SLC4A2: variants seen among roughly 807,000 people sequenced by gnomAD.
The protein encoded by SLC4A2 is solute carrier family 4 member 2.
A neutral mutation model predicts 115.0 loss-of-function variants in SLC4A2; 36 were observed. The ratio of observed to expected loss-of-function variants is 0.31; its 90% CI spans 0.24 to 0.41. The LOEUF (loss-of-function observed/expected upper bound fraction) is 0.41, where lower values mean the gene tolerates loss of function less well. SLC4A2 is among the 10% of genes least tolerant of loss of function. SLC4A2 has a pLI of 1.00. For missense variants in SLC4A2, 1,252 were observed against 1,705.6 expected (o/e 0.73, Z 4.68); for synonymous variants, 708 against 708.3 (o/e 1.00, Z 0.01).
intron 16 of SLC4A2, 169 bp from the exon 17 acceptor site, chr7:151,073,870 C>G (rs33927791): frequency 5.6e-6 from 4 of 711,430 alleles, no homozygotes; most frequent in Non-Finnish European, 9.2e-6. Context: ...CCACACTGCC[C>G]TGTGCTCACA....
chr7:151,076,220 T>C (rs1396592733), intron 22 of SLC4A2, 34 bp downstream of exon 22: 8 of 1,608,362 alleles, frequency 5.0e-6, no homozygotes, highest in African/African-American at 1.3e-5. Flanking sequence ...CCGGTTCCTC[T>C]TGCCTCCCTG....
At chr7:151,061,031 T>C (rs1473855558) in intron 1 of SLC4A2, among the ~76,000 whole-genome samples, 1 of 152,016 alleles carries the variant, frequency 6.6e-6, no homozygotes, top group Non-Finnish European at 1.5e-5. Flanking sequence ...GCTCCTTCTC[T>C]GCCCCCACCA....
chr7:151,072,856 G>T (rs1797487519), intron 16 of SLC4A2, among the ~76,000 whole-genome samples: 1 of 151,718 alleles, frequency 6.6e-6, no homozygotes, highest in Non-Finnish European at 1.5e-5. Context: ...AGAGATGGGG[G>T]TTTTACCATG....
chr7:151,058,664 A>G (rs953062828), upstream of SLC4A2: 1 of 152,304 alleles, frequency 6.6e-6, no homozygotes, highest in African/African-American at 2.4e-5. Context: ...CTCAGACCCC[A>G]GTCTCCGGAA....
chr7:151,070,737 G>T lies in SLC4A2; in HGVS notation c.1575G>T (p.Glu525Asp), dbSNP rs1208845256. ...EATVVLVGCV[E>D]FLSRPTMAFV... ...GTCCCACGCCCCTAGGCTGCGTGGA[G>T]TTCCTCTCCCGCCCCACCATGGCCT... is the stretch of plus-strand genomic sequence containing the variant. The change falls in exon 12 of 23, where the codon GAG becomes GAT. Residue 525 changes from glutamate (E) to aspartate (D), a missense_variant. Around this residue, in one of 14 missense-constraint regions of SLC4A2, gnomAD observed 87 missense variants for 170.3 expected, o/e 0.51. Transcript: ENST00000413384. The T allele has an allele frequency of 1.2e-6, 2 of 1,613,384 alleles. No homozygotes were observed. Among genetic ancestry groups the T allele is most frequent in the African/African-American group, 1.3e-5 (1 of 74,918 alleles).
At chr7:151,076,246 C>T in intron 22 of SLC4A2, 41 bp from the exon 23 acceptor site, 1 of 1,590,918 alleles carries the variant, frequency 6.3e-7, no homozygotes, top group Non-Finnish European at 8.6e-7. Context: ...CTGGAAAGGC[C>T]CCCCCACTTC....
At chr7:151,064,064 A>T in intron 2 of SLC4A2, 138 bp from the exon 3 acceptor site, 4 of 776,416 alleles carry the variant, frequency 5.2e-6, no homozygotes, top group Non-Finnish European at 8.2e-6. Flanking sequence ...TGCTGGGGGC[A>T]TATAGAGCCA....
chr7:151,062,068 A>C (rs1584980899), intron 2 of SLC4A2, 30 bp downstream of exon 2: 1 of 1,598,558 alleles, frequency 6.3e-7, no homozygotes, highest in Non-Finnish European at 8.5e-7. Flanking sequence ...CGCCAGCCCA[A>C]CCTTCCCTCC....
intron 8 of SLC4A2, 91 bp from the exon 9 acceptor site, chr7:151,069,848 GCACCCACC>G (rs1395100170): frequency 1.4e-6 from 2 of 1,460,124 alleles, no homozygotes; most frequent in Non-Finnish European, 1.9e-6. Context: ...TCCAGCCCCG[GCACCCACC>G]CACCTGTCCC....
upstream of SLC4A2, chr7:151,059,469 A>C (rs1796974343): frequency 6.6e-6 from 1 of 151,798 alleles, no homozygotes; most frequent in Admixed American, 6.6e-5. The surrounding 1 kb of genome is among the most constrained non-coding windows in gnomAD (Gnocchi z 5.8). Context: ...CTTGGGGCAG[A>C]GGGACGGCGG....
chr7:151,059,527 G>GGCCCCCGCTCCC (rs1384041423), upstream of SLC4A2: 1 of 106,270 alleles, frequency 9.4e-6, no homozygotes, highest in Admixed American at 1.1e-4. The surrounding 1 kb of genome is among the most constrained non-coding windows in gnomAD (Gnocchi z 5.8). Context: ...CCCCCGCCCC[G>GGCCCCCGCTCCC]GCCCCCGCTC....
intron 2 of SLC4A2, chr7:151,062,468 CGTGG>C: frequency 2.4e-6 from 3 of 1,257,554 alleles, no homozygotes; most frequent in Non-Finnish European, 3.1e-6. Context: ...CCTGCCCCCA[CGTGG>C]CCACCGCTCC....
Position 151,070,294 on chromosome 7 carries a change from C to G in SLC4A2, c.1397C>G (p.Thr466Ser), listed in dbSNP as rs1797386878. The G allele has an allele frequency of 6.2e-7, 1 of 1,613,462 alleles. No individual in the cohort carries two copies. Among genetic ancestry groups the G allele is most frequent in the Admixed American group, 1.7e-5 (1 of 59,958 alleles). The change falls in exon 10 of 23, where the codon ACC (threonine) becomes AGC (serine). Residue 466 changes from threonine to serine, a missense_variant. By Grantham distance (58) the Thr-to-Ser change is moderately conservative. Coordinates refer to ENST00000413384, the MANE Select transcript of SLC4A2 (RefSeq NM_003040.4). ...GGGGCTGAGAGTGACCCCCACGTCA[C>G]CGAGCCTCTCATGGGAGGTGTTCCT... ...GQGAESDPHVTEPLMGGVPET... is the reference protein window; with the variant it reads ...GQGAESDPHVSEPLMGGVPET...
At chr7:151,063,140 C>T (rs1004945896) in intron 2 of SLC4A2, 4 of 1,466,978 alleles carry the variant, frequency 2.7e-6, no homozygotes, top group Admixed American at 2.1e-5. Context: ...GCCGCATTCC[C>T]TGCCGGCTGT....
rs1797183532 is a variant in SLC4A2, at chr7:151,064,973, A to G, written c.578+7A>G. 1.3e-6 allele frequency: 2 copies of G among 1,571,154 alleles called. No individual in the cohort carries two copies. The highest frequency in any genetic ancestry group is 2.7e-5 in the African/African-American group (2 of 74,156). On this transcript the variant is annotated splice_region_variant and intron_variant, in intron 5 of 22. Transcript: ENST00000413384. ...CCAAAGGGGCCCAGGCTGGGTAAGTACACCCCAATCAACAGTGTCCCCAAC... is the reference window on the plus strand; with the variant it reads ...CCAAAGGGGCCCAGGCTGGGTAAGTGCACCCCAATCAACAGTGTCCCCAAC...
At chr7:151,059,460 T>C (rs371274662), upstream of SLC4A2, 5 of 151,752 alleles carry the variant, frequency 3.3e-5, no homozygotes, top group African/African-American at 1.2e-4. The surrounding 1 kb of genome is among the most constrained non-coding windows in gnomAD (Gnocchi z 5.8). Flanking sequence ...GTGGAGAAGC[T>C]TGGGGCAGAG....
At position 151,064,909 on chromosome 7, in the gene SLC4A2, C is replaced by T; in HGVS notation, c.521C>T (p.Pro174Leu). ...RKAERTSPSS[P>L]APLPHQEATP... ...GCAGAGAGGACCAGTCCATCTTCCC[C>T]TGCACCACTGCCCCACCAGGAGGCG... The change falls in exon 5 of 23, where the codon CCT (proline) becomes CTT (leucine). Residue 174 changes from proline to leucine, a missense_variant. Physicochemically the swap from Pro to Leu is moderately conservative, Grantham distance 98. Transcript: ENST00000413384. 3 of 1,613,992 alleles carry T rather than the reference C, an allele frequency of 1.9e-6. No homozygotes were observed. Among genetic ancestry groups the T allele is most frequent in the South Asian group, 2.2e-5 (2 of 91,086 alleles).
At position 151,071,875 on chromosome 7, in the gene SLC4A2, C is replaced by G. The variant is rs764716004; in HGVS notation, c.2340+38C>G. 3.7e-6 allele frequency: 6 copies of G among 1,604,446 alleles called. No homozygotes were observed. Among genetic ancestry groups the G allele is most frequent in the Admixed American group, 1.7e-5 (1 of 59,360 alleles). ...CTCGCCCATCTCCAGCCGCCCCTCC[C>G]GTGCCCTAGACACCTCCCCACAGCA... is the stretch of plus-strand genomic sequence containing the variant. On this transcript the variant is annotated intron_variant, in intron 15 of 22. Coordinates refer to ENST00000413384, the MANE Select transcript of SLC4A2 (RefSeq NM_003040.4). This position sits in a 1 kb window ranked among gnomAD's most constrained non-coding sequence, Gnocchi z 5.5.
rs1441168117 is a variant in SLC4A2, at chr7:151,070,056, G to T, written c.1257G>T (p.Val419=). The change falls in exon 9 of 23, where the codon GTG becomes GTT. Residue 419 remains valine (V), a synonymous_variant. Coordinates refer to ENST00000413384, the MANE Select transcript of SLC4A2 (RefSeq NM_003040.4). The part of the protein sequence containing the change: ...DQIKAEDRAN[V]LRALLLKHSH... ...TCAAGGCCGAGGACAGGGCCAACGT[G>T]CTGCGGGCTCTGCTGTTGAAACACA... The T allele has an allele frequency of 6.2e-7, 1 of 1,613,996 alleles. No individual in the cohort carries two copies. Among genetic ancestry groups the T allele is most frequent in the Non-Finnish European group, 8.5e-7 (1 of 1,179,990 alleles).
Sources: gnomAD v4.1 joint callset for allele counts (sites outside exome capture counted in the v4.1 genomes callset) on GRCh38, gnomAD v4.1.1 for gene constraint, gnomAD v4.1.1 regional missense constraint, Gnocchi (gnomAD v3.1) non-coding constraint, MANE v1.5 for transcripts, NCBI Gene and HGNC (gene_info 2026-07-23, HGNC 2026-07-21) for gene names.